CEP85L: variants seen among roughly 807,000 people sequenced by gnomAD.
CEP85L encodes centrosomal protein 85L.
Under a neutral mutation model 100.3 loss-of-function variants are expected in CEP85L, and 60 were observed. The ratio of observed to expected loss-of-function variants is 0.60; its 90% confidence interval spans 0.49 to 0.74. The LOEUF is 0.74. Ranked by LOEUF, CEP85L falls within the 30% of genes least tolerant of loss-of-function variation. CEP85L has a pLI of 0.00. For missense variants in CEP85L, 973 were observed against 936.2 expected, an observed-to-expected ratio of 1.04 and a Z score of -0.51; for synonymous variants, 319 against 322.7, an observed-to-expected ratio of 0.99 and a Z score of 0.12.
At chr6:118,618,213 G>A (rs1236791536) in intron 2 of CEP85L, among the ~76,000 whole-genome samples, 1 of 152,142 alleles carries the variant, frequency 6.6e-6, no homozygotes, top group South Asian at 2.1e-4. Context: ...TGACTCCTGC[G>A]TCCTGGGTTC....
At chr6:118,606,589 G>A (rs1772238071) in intron 2 of CEP85L, among the ~76,000 whole-genome samples, 1 of 152,228 alleles carries the variant, frequency 6.6e-6, no homozygotes, top group South Asian at 2.1e-4. Flanking sequence ...CTGGAAAGGG[G>A]AGACCAAAAG....
At chr6:118,662,765 G>A (rs1384829238) in intron 1 of CEP85L, among the ~76,000 whole-genome samples, 1 of 152,150 alleles carries the variant, frequency 6.6e-6, no homozygotes, top group Non-Finnish European at 1.5e-5. Context: ...ATGGACATGG[G>A]AGTGCAAAGG....
chr6:118,464,941 TGAAA>T lies in CEP85L; in HGVS notation c.*460_*463del, dbSNP rs1772411530. The T allele has an allele frequency of 6.5e-6, 1 of 152,744 alleles. No individual in the cohort carries two copies. Among genetic ancestry groups the T allele is most frequent in the Non-Finnish European group, 1.5e-5 (1 of 68,422 alleles). The allele number at this position is 152,744 out of a possible 1,614,324, so 9.5% of individuals were successfully genotyped here. A position where few individuals can be genotyped will look rare whatever the true frequency, so the allele number is the denominator to read the frequency against. ...CCAAAGTACAACACAAGCTTCTATA[TGAAA>T]GAAATATAAGAATAAACAGCGTGTG... On this transcript the variant is annotated 3_prime_UTR_variant, in exon 13 of 13. Coordinates refer to ENST00000368491, the MANE Select transcript of CEP85L (RefSeq NM_001042475.3).
At chr6:118,589,661 A>T (rs6569022) in intron 2 of CEP85L, 192,638 of 278,146 alleles carry the variant, frequency 0.69, 68,671 homozygotes, top group African/African-American at 0.75. Flanking sequence ...ATAGGATGCA[A>T]GCCCATGATG....
In CEP85L at chr6:118,651,284, C is replaced by G. The variant is rs1210099955; in HGVS notation, c.-15G>C. 5 of 1,480,362 alleles carry G rather than the reference C, an allele frequency of 3.4e-6. No homozygotes were observed. Among genetic ancestry groups the G allele is most frequent in the East Asian group, 2.9e-5 (1 of 34,638 alleles). 91.7% of individuals were successfully genotyped at this position (1,480,362 alleles called of 1,614,324 possible). A position where few individuals can be genotyped will look rare whatever the true frequency, so the allele number is the denominator to read the frequency against. ...CGCCCCCACATCGCGGGCGAGAGGG[C>G]CGGGTGGGCCAGGGACGCCCGACTC... On this transcript the variant is annotated 5_prime_UTR_variant, in exon 1 of 13. Coordinates refer to ENST00000368491, the MANE Select transcript of CEP85L (RefSeq NM_001042475.3).
intron 2 of CEP85L, among the ~76,000 whole-genome samples, chr6:118,600,300 G>GTGGGTGGGTGT (rs1554228039): frequency 3.8e-5 from 2 of 52,236 alleles, no homozygotes; most frequent in African/African-American, 1.4e-4. Flanking sequence ...CCTTCCTGGG[G>GTGGGTGGGTGT]GTGTGTGTGT....
chr6:118,502,892 G>T, intron 5 of CEP85L: 1 of 526,522 alleles, frequency 1.9e-6, no homozygotes, highest in Non-Finnish European at 3.6e-6. Context: ...AGAAGATCTT[G>T]AAGAACCTAA....
intron 6 of CEP85L, among the ~76,000 whole-genome samples, chr6:118,484,308 T>A (rs1251423330): frequency 6.6e-6 from 1 of 152,220 alleles, no homozygotes; most frequent in Non-Finnish European, 1.5e-5. Flanking sequence ...AGAGCGAGAC[T>A]TTGTCTCAAT....
At chr6:118,609,878 A>G (rs1442328875) in intron 2 of CEP85L, among the ~76,000 whole-genome samples, 1 of 152,290 alleles carries the variant, frequency 6.6e-6, no homozygotes, top group East Asian at 1.9e-4. Context: ...GTCCTATGAT[A>G]CAAACAATAG....
intron 4 of CEP85L, among the ~76,000 whole-genome samples, chr6:118,514,555 C>G (rs1458243489): frequency 6.9e-6 from 1 of 145,618 alleles, no homozygotes; most frequent in African/African-American, 2.5e-5. Flanking sequence ...AAAACAAATA[C>G]CAATATAGGA....
At chr6:118,579,793 G>A (rs1390284119) in intron 2 of CEP85L, among the ~76,000 whole-genome samples, 1 of 152,232 alleles carries the variant, frequency 6.6e-6, no homozygotes, top group South Asian at 2.1e-4. Flanking sequence ...TTTTAAGGCA[G>A]CTCCAGATAC....
chr6:118,706,728 C>T (rs1235651339), intron 1 of CEP85L, among the ~76,000 whole-genome samples: 1 of 152,126 alleles, frequency 6.6e-6, no homozygotes, highest in Non-Finnish European at 1.5e-5. Context: ...CATTTTTGAA[C>T]ATCTAATTCC....
intron 3 of CEP85L, among the ~76,000 whole-genome samples, chr6:118,545,704 T>G (rs901082785): frequency 1.3e-5 from 2 of 152,164 alleles, no homozygotes; most frequent in Non-Finnish European, 2.9e-5. Flanking sequence ...ATACTAAATT[T>G]CATTTAGAGC....
intron 2 of CEP85L, among the ~76,000 whole-genome samples, chr6:118,607,905 G>A (rs997323038): frequency 1.3e-5 from 2 of 152,058 alleles, no homozygotes; most frequent in South Asian, 2.1e-4. Context: ...TTCTATGGTC[G>A]CCAGAAATAT....
intron 1 of CEP85L, among the ~76,000 whole-genome samples, chr6:118,668,348 A>T (rs956813617): frequency 6.6e-6 from 1 of 152,222 alleles, no homozygotes; most frequent in African/African-American, 2.4e-5. Flanking sequence ...CCCATAAGGT[A>T]TGCTTACCTG....
At chr6:118,646,674 A>G (rs1385746560) in intron 1 of CEP85L, among the ~76,000 whole-genome samples, 3 of 152,178 alleles carry the variant, frequency 2.0e-5, no homozygotes, top group Non-Finnish European at 4.4e-5. Flanking sequence ...AAAAATAAAA[A>G]ATGATATTGC....
rs532099997 is a variant in CEP85L, at chr6:118,592,313, T to C, written c.233-25997A>G. Reference sequence around the variant, plus strand: ...GAAAAGCTATATAACCCTGAATACATTAACATCCTCTAGGTCTTTTTTTTT... The same window carrying C: ...GAAAAGCTATATAACCCTGAATACACTAACATCCTCTAGGTCTTTTTTTTT... On this transcript the variant is annotated intron_variant, in intron 2 of 12. Transcript: ENST00000368491. 2.7e-5 allele frequency among the ~76,000 whole-genome samples: 4 copies of C among 149,294 alleles called. No homozygotes were observed. The East Asian group carries it at 5.8e-4, about 22-fold the overall frequency.
chr6:118,529,228 CCTTT>C (rs1298991490), intron 3 of CEP85L, among the ~76,000 whole-genome samples: 31 of 152,106 alleles, frequency 2.0e-4, no homozygotes, highest in Non-Finnish European at 1.0e-4. Flanking sequence ...AGGTTTTCTG[CCTTT>C]ATTTATAAGA....
At chr6:118,571,627 TA>T (rs1295381880) in intron 2 of CEP85L, among the ~76,000 whole-genome samples, 1 of 152,058 alleles carries the variant, frequency 6.6e-6, no homozygotes, top group Non-Finnish European at 1.5e-5. Flanking sequence ...CTTCTGATAG[TA>T]ATAAGGAATT....
Sources: allele counts gnomAD v4.1 joint callset (sites outside exome capture counted in the v4.1 genomes callset), GRCh38; gene constraint gnomAD v4.1.1; transcripts MANE v1.5; gene names NCBI Gene and HGNC (gene_info 2026-07-23, HGNC 2026-07-21).